NAALADL2: variants seen among roughly 807,000 people sequenced by gnomAD.
NAALADL2 encodes N-acetylated alpha-linked acidic dipeptidase like 2, also known as inactive N-acetylated-alpha-linked acidic dipeptidase-like protein 2.
In NAALADL2, 76 loss-of-function variants were observed where a neutral mutation model predicts 87.2. The ratio of observed to expected loss-of-function variants is 0.87; its 90% CI spans 0.72 to 1.05. NAALADL2 has a LOEUF of 1.05. Ranked by LOEUF, NAALADL2 falls within the 50% of genes least tolerant of loss-of-function variation. The pLI is 0.00. For missense variants in NAALADL2, 1,089 were observed against 945.8 expected (o/e 1.15, Z -1.99); for synonymous variants, 354 against 331.0 (o/e 1.07, Z -0.75).
chr3:174,803,803 G>A (rs1189023952), intron 3 of NAALADL2, among the ~76,000 whole-genome samples: 1 of 152,018 alleles, frequency 6.6e-6, no homozygotes, highest in Non-Finnish European at 1.5e-5. Context: ...TATTTCTGAG[G>A]TCTCTATTCT....
intron 3 of NAALADL2, among the ~76,000 whole-genome samples, chr3:174,758,687 T>TAG (rs1712469935): frequency 6.6e-6 from 1 of 152,178 alleles, no homozygotes; most frequent in Non-Finnish European, 1.5e-5. Flanking sequence ...TGTCCAGGAA[T>TAG]AGAGCTCTGT....
intron 3 of NAALADL2, among the ~76,000 whole-genome samples, chr3:174,789,870 G>T (rs1201372280): frequency 6.6e-6 from 1 of 152,200 alleles, no homozygotes. Flanking sequence ...GAGTTCAGCT[G>T]TCACAAAGAC....
intron 12 of NAALADL2, among the ~76,000 whole-genome samples, chr3:175,751,281 T>A (rs1349175578): frequency 6.6e-6 from 1 of 152,038 alleles, no homozygotes; most frequent in Admixed American, 6.6e-5. Flanking sequence ...TGGCACCCAA[T>A]TTGCAAGCAC....
At chr3:175,302,976 A>C (rs1455748367) in intron 4 of NAALADL2, among the ~76,000 whole-genome samples, 1 of 152,104 alleles carries the variant, frequency 6.6e-6, no homozygotes, top group East Asian at 1.9e-4. Context: ...CTTGAAAGGA[A>C]ATATTTGAAG....
intron 2 of NAALADL2, among the ~76,000 whole-genome samples, chr3:174,697,633 G>A (rs1267663809): frequency 6.6e-6 from 1 of 152,046 alleles, no homozygotes; most frequent in East Asian, 1.9e-4. Context: ...GGATTTTCAA[G>A]TTCAGTGTTT....
At chr3:175,216,816 C>T (rs1742625363) in intron 2 of NAALADL2, among the ~76,000 whole-genome samples, 2 of 151,602 alleles carry the variant, frequency 1.3e-5, no homozygotes, top group African/African-American at 4.8e-5. Context: ...TTACGGGTGC[C>T]CCCCACAATG....
At chr3:174,587,466 A>G (rs1716854635) in intron 2 of NAALADL2, among the ~76,000 whole-genome samples, 1 of 152,136 alleles carries the variant, frequency 6.6e-6, no homozygotes, top group African/African-American at 2.4e-5. Flanking sequence ...GTTTCTTCCT[A>G]GCATCAATGG....
intron 11 of NAALADL2, among the ~76,000 whole-genome samples, chr3:175,661,633 G>A (rs775009181): frequency 2.0e-4 from 31 of 151,908 alleles, no homozygotes; most frequent in Non-Finnish European, 4.3e-4. Flanking sequence ...CATATCTTAC[G>A]TTTAAGTCTT....
chr3:174,638,421 T>A (rs1156345794), intron 2 of NAALADL2, among the ~76,000 whole-genome samples: 1 of 152,144 alleles, frequency 6.6e-6, no homozygotes, highest in African/African-American at 2.4e-5. Context: ...GGACCCTAAC[T>A]CTGGCTGGAC....
intron 10 of NAALADL2, among the ~76,000 whole-genome samples, chr3:175,597,785 A>G (rs1000504370): frequency 3.3e-5 from 5 of 152,046 alleles, no homozygotes; most frequent in African/African-American, 1.2e-4. Flanking sequence ...AATTGTCCCC[A>G]GTTGAGAATT....
chr3:175,544,331 T>A (rs1469278593), intron 9 of NAALADL2, among the ~76,000 whole-genome samples: 4 of 152,208 alleles, frequency 2.6e-5, no homozygotes, highest in African/African-American at 4.8e-5. Context: ...ACAGTAATGT[T>A]AATTTATTGG....
At chr3:174,733,215 G>A (rs921295870) in intron 2 of NAALADL2, among the ~76,000 whole-genome samples, 1 of 152,102 alleles carries the variant, frequency 6.6e-6, no homozygotes, top group African/African-American at 2.4e-5. Flanking sequence ...CTGATTTTAG[G>A]TAACGCTTAA....
At chr3:175,526,031 G>T (rs1368842966) in intron 9 of NAALADL2, among the ~76,000 whole-genome samples, 1 of 152,124 alleles carries the variant, frequency 6.6e-6, no homozygotes, top group Non-Finnish European at 1.5e-5. Context: ...AGGAATGCCT[G>T]GAGACTTTAA....
intron 2 of NAALADL2, among the ~76,000 whole-genome samples, chr3:174,614,693 G>A (rs1720274753): frequency 2.6e-5 from 4 of 152,084 alleles, no homozygotes; most frequent in African/African-American, 9.7e-5. Context: ...TCTTATGAAG[G>A]TATTTTTAAA....
At chr3:175,720,778 TAAAG>T (rs899849740) in intron 11 of NAALADL2, among the ~76,000 whole-genome samples, 84 of 152,180 alleles carry the variant, frequency 5.5e-4, no homozygotes, top group African/African-American at 2.0e-3. Flanking sequence ...TTCAAAATGT[TAAAG>T]AAAAATAATT....
At chr3:175,615,861 AAT>A (rs951839816) in intron 10 of NAALADL2, among the ~76,000 whole-genome samples, 23 of 147,678 alleles carry the variant, frequency 1.6e-4, no homozygotes, top group Non-Finnish European at 2.4e-4. Context: ...TGTCTCAAAA[AAT>A]ATATATATAT....
At chr3:175,324,140 G>C in intron 4 of NAALADL2, 35 bp from the exon 5 acceptor site, 1 of 1,598,416 alleles carries the variant, frequency 6.3e-7, no homozygotes, top group Non-Finnish European at 8.5e-7. Context: ...TAATGTGCAT[G>C]ATAATATTTT....
chr3:175,189,325 A>G (rs867688426), intron 2 of NAALADL2, among the ~76,000 whole-genome samples: 9 of 152,352 alleles, frequency 5.9e-5, no homozygotes, highest in African/African-American at 1.9e-4. Context: ...TCCCCTATGT[A>G]GAAAGCCCCA....
At chr3:174,528,792 AAACC>A (rs1186063445) in intron 1 of NAALADL2, among the ~76,000 whole-genome samples, 3 of 152,168 alleles carry the variant, frequency 2.0e-5, no homozygotes, top group Non-Finnish European at 4.4e-5. Flanking sequence ...CCCATTTTTA[AAACC>A]ATCATATCTC....
Sources: allele counts gnomAD v4.1 joint callset (sites outside exome capture counted in the v4.1 genomes callset), GRCh38; gene constraint gnomAD v4.1.1; transcripts MANE v1.5; gene names NCBI Gene and HGNC (gene_info 2026-07-23, HGNC 2026-07-21).